The following ESR2 variants were observed in gnomAD, a reference collection of about 807,000 sequenced individuals.
ESR2 encodes estrogen receptor beta.
ESR2 carries 36 observed loss-of-function variants against 49.6 expected under a neutral mutation model. The observed-to-expected ratio is 0.73, with a 90% CI of 0.56 to 0.96. The LOEUF (loss-of-function observed/expected upper bound fraction) is 0.96. ESR2 is among the 40% of genes least tolerant of loss of function. ESR2 has a pLI of 0.00. For synonymous variants in ESR2, 320 were observed against 266.1 expected, an observed-to-expected ratio of 1.20 and a Z score of -1.97; for missense variants, 714 against 693.0, an observed-to-expected ratio of 1.03 and a Z score of -0.34.
intron 1 of ESR2, among the ~76,000 whole-genome samples, chr14:64,307,218 T>C (rs2077114493): frequency 6.6e-6 from 1 of 151,888 alleles, no homozygotes; most frequent in Non-Finnish European, 1.5e-5. Context: ...TATTTATTTA[T>C]TTATTTATTT....
intron 1 of ESR2, among the ~76,000 whole-genome samples, chr14:64,287,914 T>C (rs1055890177): frequency 2.0e-5 from 3 of 152,222 alleles, no homozygotes; most frequent in Non-Finnish European, 4.4e-5. Flanking sequence ...GAAAAAATTG[T>C]CTCTAAAGAG....
chr14:64,267,899 A>T (rs1463940101), intron 4 of ESR2, among the ~76,000 whole-genome samples: 2 of 151,916 alleles, frequency 1.3e-5, no homozygotes, highest in Non-Finnish European at 2.9e-5. Flanking sequence ...AAAAAAAAAA[A>T]AGAAATTGTC....
intron 4 of ESR2, among the ~76,000 whole-genome samples, chr14:64,266,912 C>T (rs901530777): frequency 5.9e-5 from 9 of 152,186 alleles, no homozygotes; most frequent in Admixed American, 3.3e-4. Flanking sequence ...GACAGAGTCT[C>T]ACTCTGTCAC....
At chr14:64,258,528 G>T (rs1162703518) in intron 5 of ESR2, among the ~76,000 whole-genome samples, 1 of 152,140 alleles carries the variant, frequency 6.6e-6, no homozygotes, top group South Asian at 2.1e-4. Flanking sequence ...TAGGAAAATG[G>T]GGGTAACAAT....
chr14:64,234,576 C>A, intron 8 of ESR2: 1 of 272,326 alleles, frequency 3.7e-6, no homozygotes, highest in East Asian at 6.5e-5. Flanking sequence ...ATCACCAGCT[C>A]GAGGGGCCAT....
intron 1 of ESR2, among the ~76,000 whole-genome samples, chr14:64,333,837 T>C (rs939528479): frequency 1.3e-5 from 2 of 152,154 alleles, no homozygotes; most frequent in Non-Finnish European, 2.9e-5. Context: ...AGACAAACCA[T>C]ATCATATGAG....
Position 64,232,933 on chromosome 14 carries a change from C to A in ESR2, c.*204G>T. ...TGTGGAAACGCTGCATTCAAATGTG[C>A]CCTCTGCTAACAAGGGAAACTATGG... is the stretch of plus-strand genomic sequence containing the variant. On this transcript the variant is annotated 3_prime_UTR_variant, in exon 9 of 9. Transcript: ENST00000341099. 3 of 1,078,306 alleles carry A rather than the reference C, an allele frequency of 2.8e-6. No individual in the cohort carries two copies. The highest frequency in any genetic ancestry group is 3.2e-4 in the Middle Eastern group (1 of 3,116). 66.8% of individuals were successfully genotyped at this position (1,078,306 alleles called of 1,614,324 possible).
chr14:64,233,633 A>T (rs972959261), intron 8 of ESR2: 15 of 306,258 alleles, frequency 4.9e-5, no homozygotes, highest in African/African-American at 3.1e-4. Context: ...ATCCTCACTC[A>T]TAGGGGAAAT....
intron 1 of ESR2, among the ~76,000 whole-genome samples, chr14:64,285,762 G>A (rs1162011786): frequency 6.6e-6 from 1 of 150,952 alleles, no homozygotes; most frequent in Non-Finnish European, 1.5e-5. Context: ...GGGAGGCGGA[G>A]GCTGCATTAA....
intron 3 of ESR2, among the ~76,000 whole-genome samples, chr14:64,271,719 G>A (rs961607116): frequency 1.3e-5 from 2 of 152,364 alleles, no homozygotes; most frequent in Admixed American, 6.5e-5. Flanking sequence ...TTGCATCTGT[G>A]TTGTTGCAAG....
intron 1 of ESR2, among the ~76,000 whole-genome samples, chr14:64,322,690 T>C (rs990540095): frequency 3.9e-5 from 6 of 152,210 alleles, no homozygotes; most frequent in Admixed American, 1.3e-4. Context: ...TACTCTTAAA[T>C]GAACTGCTTC....
intron 7 of ESR2, among the ~76,000 whole-genome samples, chr14:64,243,859 A>T (rs1392467217): frequency 6.6e-6 from 1 of 152,112 alleles, no homozygotes; most frequent in Non-Finnish European, 1.5e-5. Context: ...TCAGCTGAAG[A>T]CTTGAAGAGG....
At chr14:64,271,942 A>G (rs1016180547) in intron 3 of ESR2, among the ~76,000 whole-genome samples, 1 of 152,232 alleles carries the variant, frequency 6.6e-6, no homozygotes, top group African/African-American at 2.4e-5. Context: ...GCTGGATCAT[A>G]TGGTAGCTCT....
At chr14:64,287,891 T>G (rs749403971) in intron 1 of ESR2, among the ~76,000 whole-genome samples, 1 of 152,248 alleles carries the variant, frequency 6.6e-6, no homozygotes, top group Non-Finnish European at 1.5e-5. Context: ...AGTACAATGT[T>G]CTGGTACAAC....
intron 1 of ESR2, among the ~76,000 whole-genome samples, chr14:64,300,752 TA>T (rs1048802815): frequency 3.1e-4 from 47 of 150,170 alleles, no homozygotes; most frequent in African/African-American, 7.6e-4. Flanking sequence ...ACCTCATCTT[TA>T]AAAAAAAAAA....
At chr14:64,257,641 C>T (rs2076131347) in intron 5 of ESR2, among the ~76,000 whole-genome samples, 1 of 151,930 alleles carries the variant, frequency 6.6e-6, no homozygotes, top group Non-Finnish European at 1.5e-5. Flanking sequence ...TCTTTGTTAG[C>T]TGTGTCCTGA....
intron 5 of ESR2, among the ~76,000 whole-genome samples, chr14:64,259,810 A>G (rs1434420489): frequency 6.6e-6 from 1 of 152,198 alleles, no homozygotes; most frequent in African/African-American, 2.4e-5. Context: ...TACTGGAACA[A>G]TAATTTACAA....
chr14:64,238,059 CTAAAAA>C (rs1253467600), intron 7 of ESR2, among the ~76,000 whole-genome samples: 1 of 152,126 alleles, frequency 6.6e-6, no homozygotes, highest in Admixed American at 6.5e-5. Context: ...AAAGCTGTTA[CTAAAAA>C]TAATAGTAAT....
At chr14:64,287,308 C>A (rs1251122719) in intron 1 of ESR2, among the ~76,000 whole-genome samples, 1 of 152,156 alleles carries the variant, frequency 6.6e-6, no homozygotes, top group African/African-American at 2.4e-5. Context: ...CAGACCCCAC[C>A]AACAAATGAC....
Sources: allele counts gnomAD v4.1 joint callset (sites outside exome capture counted in the v4.1 genomes callset), GRCh38; gene constraint gnomAD v4.1.1; transcripts MANE v1.5; gene names NCBI Gene and HGNC (gene_info 2026-07-23, HGNC 2026-07-21).